Variants in RARB observed in about 807,000 individuals in gnomAD.
RARB encodes retinoic acid receptor beta.
A neutral mutation model predicts 51.9 loss-of-function variants in RARB; 17 were observed. That is an observed-to-expected ratio of 0.33 (90% CI 0.22 to 0.49). The LOEUF (loss-of-function observed/expected upper bound fraction) is 0.49. Among genes scored for constraint, RARB ranks in the 20% least tolerant of loss-of-function variants. The probability of loss-of-function intolerance (pLI) is 0.99; values close to 1 mark genes in which losing one functional copy is unlikely to be tolerated. For synonymous variants in RARB, 215 were observed against 195.4 expected, an observed-to-expected ratio of 1.10 and a Z score of -0.84; for missense variants, 369 against 550.8, an observed-to-expected ratio of 0.67 and a Z score of 3.30.
rs1700649134 is a variant in RARB at position 25,570,019 on chromosome 3, CA to C, written c.609+102del. On this transcript the variant is annotated intron_variant, in intron 4 of 7. Transcript: ENST00000330688. ...ACACACACACACACACACACACACA[CA>C]CTTTGCACTGGGCCTGGCAGGGGCT... is the stretch of plus-strand genomic sequence containing the variant. 4 of 1,148,696 alleles carry C rather than the reference CA, an allele frequency of 3.5e-6. No individual in the cohort carries two copies. The East Asian group carries it at 1.1e-4, about 31-fold the overall frequency. 71.2% of individuals were successfully genotyped at this position (1,148,696 alleles called of 1,614,324 possible).
intron 2 of RARB, among the ~76,000 whole-genome samples, chr3:24,972,926 TTG>T (rs1265457847): frequency 6.6e-6 from 1 of 152,074 alleles, no homozygotes; most frequent in Non-Finnish European, 1.5e-5. Flanking sequence ...ATTCAATATG[TTG>T]TCTCTTCAAT....
intron 4 of RARB, among the ~76,000 whole-genome samples, chr3:25,143,076 C>A (rs1404630365): frequency 6.6e-6 from 1 of 152,124 alleles, no homozygotes; most frequent in Admixed American, 6.6e-5. Flanking sequence ...TAGAAGTTAG[C>A]CTGGAGTATC....
intron 5 of RARB, among the ~76,000 whole-genome samples, chr3:25,291,026 T>G (rs1407598068): frequency 6.6e-6 from 1 of 152,174 alleles, no homozygotes; most frequent in Non-Finnish European, 1.5e-5. Flanking sequence ...AGAGACAAAT[T>G]TTGCCCTACA....
In RARB at chr3:24,893,594, T is replaced by C. The variant is rs562449091; in HGVS notation, c.-380+34842T>C. The stretch of plus-strand genomic sequence containing the variant: ...TGGAGTGCAGTAGATCATAGCTCAC[T>C]GCAACCTCATACTCCAGGGCACAAG... On this transcript the variant is annotated intron_variant, in intron 2 of 11. Transcript: ENST00000383772. 1.1e-4 allele frequency among the ~76,000 whole-genome samples: 17 copies of C among 152,314 alleles called. No individual in the cohort carries two copies. The South Asian group carries it at 1.7e-3, about 15-fold the overall frequency.
chr3:25,501,432 G>A (rs1322667104), intron 3 of RARB, 109 bp downstream of exon 3: 2 of 1,364,734 alleles, frequency 1.5e-6, no homozygotes, highest in Non-Finnish European at 2.0e-6. Flanking sequence ...ATCTTGCCAA[G>A]GGTAGGTGTG....
chr3:25,516,663 G>A (rs1401444839), intron 3 of RARB, among the ~76,000 whole-genome samples: 1 of 138,438 alleles, frequency 7.2e-6, no homozygotes, highest in East Asian at 1.9e-4. Context: ...GTCACACTCT[G>A]TCGTCCAGGC....
intron 2 of RARB, among the ~76,000 whole-genome samples, chr3:24,950,524 C>G (rs925186199): frequency 1.3e-5 from 2 of 152,064 alleles, no homozygotes; most frequent in Admixed American, 6.6e-5. Flanking sequence ...TCAGGAAATG[C>G]ATTTGAAATA....
intron 4 of RARB, among the ~76,000 whole-genome samples, chr3:25,135,180 C>T (rs1459062143): frequency 6.6e-6 from 1 of 151,802 alleles, no homozygotes; most frequent in East Asian, 1.9e-4. Flanking sequence ...AGAGTAGCCA[C>T]TAGCCAGGTG....
chr3:24,916,767 C>CAG (rs563304522), intron 2 of RARB, among the ~76,000 whole-genome samples: 13 of 112,782 alleles, frequency 1.2e-4, no homozygotes, highest in Admixed American at 4.1e-4. Context: ...GTTTGCTGTT[C>CAG]AAAAAAAAAA....
At chr3:25,205,183 T>C (rs568653691) in intron 5 of RARB, among the ~76,000 whole-genome samples, 1 of 152,278 alleles carries the variant, frequency 6.6e-6, no homozygotes, top group South Asian at 2.1e-4. Flanking sequence ...ACTGCTGTGC[T>C]AGCAATGAGC....
chr3:24,934,667 AT>A (rs1695513265), intron 2 of RARB, among the ~76,000 whole-genome samples: 2 of 152,084 alleles, frequency 1.3e-5, no homozygotes, highest in African/African-American at 2.4e-5. Flanking sequence ...AAATATGAAT[AT>A]TTTTCTTCCC....
At chr3:25,043,096 T>C (rs1332149140) in intron 2 of RARB, among the ~76,000 whole-genome samples, 1 of 152,196 alleles carries the variant, frequency 6.6e-6, no homozygotes, top group East Asian at 1.9e-4. Flanking sequence ...TAAAAGGCTC[T>C]TGTAGTAAGC....
chr3:25,231,789 T>G (rs1656314032), intron 5 of RARB, among the ~76,000 whole-genome samples: 1 of 152,082 alleles, frequency 6.6e-6, no homozygotes, highest in African/African-American at 2.4e-5. Flanking sequence ...ATTTTAAGAG[T>G]TTTTAATATA....
chr3:25,213,876 T>C (rs945445189), intron 5 of RARB, among the ~76,000 whole-genome samples: 2 of 152,236 alleles, frequency 1.3e-5, no homozygotes, highest in African/African-American at 4.8e-5. Flanking sequence ...TACTTGGCAA[T>C]GTTATTTTTG....
chr3:25,520,230 AATTCAAACACTG>A (rs1246454879), intron 3 of RARB, among the ~76,000 whole-genome samples: 1 of 152,182 alleles, frequency 6.6e-6, no homozygotes, highest in Non-Finnish European at 1.5e-5. Context: ...TTTCTATTCT[AATTCAAACACTG>A]GTTATAAGAG....
At chr3:24,939,920 T>C (rs1695624633) in intron 2 of RARB, among the ~76,000 whole-genome samples, 1 of 152,324 alleles carries the variant, frequency 6.6e-6, no homozygotes, top group South Asian at 2.1e-4. Flanking sequence ...TATACACAAA[T>C]AACGTGTTTT....
At chr3:24,965,798 T>G (rs574409519) in intron 2 of RARB, among the ~76,000 whole-genome samples, 1 of 152,204 alleles carries the variant, frequency 6.6e-6, no homozygotes, top group Non-Finnish European at 1.5e-5. Flanking sequence ...AATGTCACTT[T>G]AGCTGAGTCC....
chr3:25,201,411 A>G (rs1485946902), intron 5 of RARB, among the ~76,000 whole-genome samples: 1 of 152,164 alleles, frequency 6.6e-6, no homozygotes, highest in Non-Finnish European at 1.5e-5. Context: ...TCCTGATTGA[A>G]TATCCTTTAT....
chr3:25,245,627 G>T (rs1702540417), intron 5 of RARB, among the ~76,000 whole-genome samples: 2 of 152,070 alleles, frequency 1.3e-5, no homozygotes, highest in African/African-American at 4.8e-5. Flanking sequence ...GTTGAATATT[G>T]GCCCCCACTC....
Sources: allele counts gnomAD v4.1 joint callset (sites outside exome capture counted in the v4.1 genomes callset), GRCh38; gene constraint gnomAD v4.1.1; transcripts MANE v1.5; gene names NCBI Gene and HGNC (gene_info 2026-07-23, HGNC 2026-07-21).